Variants in LRRC4C observed in about 807,000 individuals in gnomAD.
LRRC4C encodes leucine rich repeat containing 4C, also known as leucine-rich repeat-containing protein 4C.
A neutral mutation model predicts 33.6 loss-of-function variants in LRRC4C; 5 were observed. The observed-to-expected ratio is 0.15, with a 90% CI of 0.08 to 0.31. LRRC4C has a LOEUF of 0.31. LRRC4C is among the 10% of genes least tolerant of loss of function. The pLI, the probability that LRRC4C is intolerant of heterozygous loss-of-function variation, is 1.00. For missense variants in LRRC4C, 560 were observed against 796.7 expected, an observed-to-expected ratio of 0.70 and a Z score of 3.58; for synonymous variants, 329 against 302.0, an observed-to-expected ratio of 1.09 and a Z score of -0.93.
chr11:41,369,504 A>G (rs1207347355), intron 1 of LRRC4C, among the ~76,000 whole-genome samples: 1 of 152,066 alleles, frequency 6.6e-6, no homozygotes, highest in Non-Finnish European at 1.5e-5. Context: ...AAGTTTACCT[A>G]CATAACAAAC....
intron 1 of LRRC4C, among the ~76,000 whole-genome samples, chr11:41,018,343 A>G (rs1211993867): frequency 6.6e-6 from 1 of 152,166 alleles, no homozygotes; most frequent in Non-Finnish European, 1.5e-5. Flanking sequence ...TAGAGAATTT[A>G]AATTGCAAAA....
chr11:40,515,244 A>C (rs1955515754), intron 3 of LRRC4C, among the ~76,000 whole-genome samples: 1 of 152,120 alleles, frequency 6.6e-6, no homozygotes, highest in Non-Finnish European at 1.5e-5. Flanking sequence ...ATAAAAGAGA[A>C]ACTTAGCAAT....
intron 3 of LRRC4C, among the ~76,000 whole-genome samples, chr11:40,603,626 A>T (rs968364238): frequency 1.3e-5 from 2 of 152,212 alleles, no homozygotes; most frequent in Admixed American, 1.3e-4. Context: ...GAATATGGTG[A>T]AAAATTTAGT....
chr11:41,323,818 A>G (rs1951027369), intron 1 of LRRC4C, among the ~76,000 whole-genome samples: 2 of 152,130 alleles, frequency 1.3e-5, no homozygotes, highest in South Asian at 4.1e-4. Context: ...AATTTGGGAG[A>G]TGGGTTTATA....
intron 2 of LRRC4C, among the ~76,000 whole-genome samples, chr11:40,716,167 A>T (rs1399404459): frequency 6.6e-6 from 1 of 152,198 alleles, no homozygotes; most frequent in Non-Finnish European, 1.5e-5. Flanking sequence ...TAATACCTTA[A>T]AAAGTAAATG....
intron 3 of LRRC4C, among the ~76,000 whole-genome samples, chr11:40,505,140 G>T (rs1305650150): frequency 6.6e-6 from 1 of 152,098 alleles, no homozygotes; most frequent in Non-Finnish European, 1.5e-5. Context: ...GCAGTTGGGA[G>T]AAAAATAGGT....
chr11:40,835,919 C>A (rs1565116334), intron 2 of LRRC4C, among the ~76,000 whole-genome samples: 1 of 152,092 alleles, frequency 6.6e-6, no homozygotes, highest in Non-Finnish European at 1.5e-5. Context: ...TAGTTTTGGT[C>A]TGATGCTGTC....
chr11:41,159,305 A>T (rs1204571847), intron 1 of LRRC4C, among the ~76,000 whole-genome samples: 1 of 152,104 alleles, frequency 6.6e-6, no homozygotes, highest in East Asian at 1.9e-4. Flanking sequence ...AAAAATAAAT[A>T]CATAAAAATA....
chr11:41,404,885 G>C (rs116437958), intron 1 of LRRC4C, among the ~76,000 whole-genome samples: 1,829 of 152,052 alleles, frequency 0.012, 40 homozygotes, highest in African/African-American at 0.042. Context: ...ATATGAGGAG[G>C]ACATTCTTAT....
intron 3 of LRRC4C, among the ~76,000 whole-genome samples, chr11:40,482,705 A>G (rs1953648407): frequency 6.6e-6 from 1 of 152,062 alleles, no homozygotes; most frequent in South Asian, 2.1e-4. Context: ...TCCTGGGCTC[A>G]AGCAATCTGC....
At chr11:40,190,507 G>C (rs1271088199) in intron 5 of LRRC4C, among the ~76,000 whole-genome samples, 2 of 152,146 alleles carry the variant, frequency 1.3e-5, no homozygotes, top group Non-Finnish European at 1.5e-5. Context: ...GCACACAGCT[G>C]CACTGCTGAA....
chr11:41,059,710 G>C (rs527904008), intron 1 of LRRC4C, among the ~76,000 whole-genome samples: 1 of 152,094 alleles, frequency 6.6e-6, no homozygotes, highest in Non-Finnish European at 1.5e-5. Context: ...GTAGTCCTTA[G>C]GTAGGCAGCA....
chr11:41,090,796 A>G, intron 1 of LRRC4C, among the ~76,000 whole-genome samples: 1 of 152,122 alleles, frequency 6.6e-6, no homozygotes, highest in Non-Finnish European at 1.5e-5. Flanking sequence ...CCCTGCTCTT[A>G]CTAGCTCTCT....
intron 4 of LRRC4C, among the ~76,000 whole-genome samples, chr11:40,281,665 T>G (rs775635353): frequency 6.6e-6 from 1 of 152,132 alleles, no homozygotes; most frequent in Non-Finnish European, 1.5e-5. Flanking sequence ...GAAATTAAAT[T>G]CCTTAGTACT....
chr11:41,327,468 A>G (rs1951157547), intron 1 of LRRC4C, among the ~76,000 whole-genome samples: 1 of 152,232 alleles, frequency 6.6e-6, no homozygotes, highest in South Asian at 2.1e-4. Flanking sequence ...AATTTGGCAG[A>G]AACCCAAGTG....
intron 2 of LRRC4C, among the ~76,000 whole-genome samples, chr11:40,804,133 G>A (rs966417364): frequency 4.0e-5 from 6 of 151,630 alleles, no homozygotes; most frequent in Admixed American, 6.6e-5. Flanking sequence ...AGTAAAAATG[G>A]CCCTTTTCCT....
At chr11:40,866,114 G>A (rs747874251) in intron 2 of LRRC4C, among the ~76,000 whole-genome samples, 1 of 145,934 alleles carries the variant, frequency 6.9e-6, no homozygotes, top group South Asian at 2.2e-4. Flanking sequence ...AGAACAGACC[G>A]ATCAATAACA....
chr11:40,192,191 A>G (rs1421467184), intron 5 of LRRC4C, among the ~76,000 whole-genome samples: 1 of 152,138 alleles, frequency 6.6e-6, no homozygotes, highest in African/African-American at 2.4e-5. Context: ...ATGGTGGAGT[A>G]GGAACAGCTC....
chr11:40,218,692 A>AATCTATCTATCTATCTATCTATCTATCT (rs3041085), intron 5 of LRRC4C, among the ~76,000 whole-genome samples: 1 of 140,014 alleles, frequency 7.1e-6, no homozygotes, highest in Non-Finnish European at 1.5e-5. Context: ...AATGATAAAG[A>AATCTATCTATCTATCTATCTATCTATCT]ATCTATCTAT....
Sources: gnomAD v4.1 joint callset for allele counts (sites outside exome capture counted in the v4.1 genomes callset) on GRCh38, gnomAD v4.1.1 for gene constraint, MANE v1.5 for transcripts, NCBI Gene and HGNC (gene_info 2026-07-23, HGNC 2026-07-21) for gene names.